GPC5: variants seen among roughly 807,000 people sequenced by gnomAD.
GPC5 encodes the protein glypican-5.
Under a neutral mutation model 53.9 loss-of-function variants are expected in GPC5, and 47 were observed. The ratio of observed to expected loss-of-function variants is 0.87; its 90% CI spans 0.69 to 1.11. The LOEUF (loss-of-function observed/expected upper bound fraction) is 1.11, where lower values mean the gene tolerates loss of function less well. Among genes scored for constraint, GPC5 ranks in the 50% most tolerant of loss-of-function variants. The pLI is 0.00. For synonymous variants in GPC5, 286 were observed against 263.3 expected, an observed-to-expected ratio of 1.09 and a Z score of -0.84; for missense variants, 748 against 713.1, an observed-to-expected ratio of 1.05 and a Z score of -0.56.
chr13:91,911,847 T>C (rs2039613479), intron 6 of GPC5, among the ~76,000 whole-genome samples: 1 of 152,156 alleles, frequency 6.6e-6, no homozygotes, highest in Admixed American at 6.6e-5. Flanking sequence ...GGGATGATAG[T>C]GTCACTAAGT....
At chr13:91,684,353 T>C (rs1322367338) in intron 2 of GPC5, among the ~76,000 whole-genome samples, 1 of 152,198 alleles carries the variant, frequency 6.6e-6, no homozygotes, top group African/African-American at 2.4e-5. Flanking sequence ...TATTTGATTT[T>C]CTAACTGGTA....
chr13:91,876,973 G>A (rs1391502442), intron 5 of GPC5, among the ~76,000 whole-genome samples: 2 of 151,912 alleles, frequency 1.3e-5, no homozygotes, highest in African/African-American at 4.8e-5. Flanking sequence ...GAAAGGAGCC[G>A]ATGTACAGTT....
At chr13:92,797,445 C>G (rs1409510974) in intron 7 of GPC5, among the ~76,000 whole-genome samples, 1 of 151,954 alleles carries the variant, frequency 6.6e-6, no homozygotes, top group East Asian at 1.9e-4. Context: ...CTCAATAATT[C>G]TATGACAGTG....
intron 5 of GPC5, among the ~76,000 whole-genome samples, chr13:91,875,041 G>T (rs2039186880): frequency 6.6e-6 from 1 of 152,122 alleles, no homozygotes; most frequent in Non-Finnish European, 1.5e-5. Flanking sequence ...GAAATTATCA[G>T]GTAATCTCAA....
chr13:92,264,591 G>A (rs1273204631), intron 7 of GPC5, among the ~76,000 whole-genome samples: 1 of 151,764 alleles, frequency 6.6e-6, no homozygotes, highest in East Asian at 1.9e-4. Context: ...CCAAGAACCT[G>A]GATGACTTAC....
chr13:92,706,231 T>C (rs924087254), intron 7 of GPC5, among the ~76,000 whole-genome samples: 3 of 152,156 alleles, frequency 2.0e-5, no homozygotes, highest in Non-Finnish European at 2.9e-5. Context: ...GGGAACCATT[T>C]TCAAAATGTC....
chr13:92,135,561 G>A (rs1201394538), intron 6 of GPC5, among the ~76,000 whole-genome samples: 1 of 152,130 alleles, frequency 6.6e-6, no homozygotes, highest in Non-Finnish European at 1.5e-5. Context: ...GAATGGTAAT[G>A]GAGAGACATA....
chr13:91,809,051 G>A (rs1462512942), intron 5 of GPC5, among the ~76,000 whole-genome samples: 3 of 152,084 alleles, frequency 2.0e-5, no homozygotes, highest in Non-Finnish European at 4.4e-5. Flanking sequence ...ATAACTTGAA[G>A]GACATTGTCT....
chr13:92,591,491 A>G (rs541358566), intron 7 of GPC5, among the ~76,000 whole-genome samples: 32 of 152,296 alleles, frequency 2.1e-4, no homozygotes, highest in African/African-American at 7.7e-4. Context: ...AATTATATGT[A>G]TTTATCATGT....
At chr13:92,673,956 T>C (rs1375053298) in intron 7 of GPC5, among the ~76,000 whole-genome samples, 14 of 152,172 alleles carry the variant, frequency 9.2e-5, no homozygotes, top group Non-Finnish European at 2.1e-4. Flanking sequence ...GATATTAAAA[T>C]AGAGTAAAAT....
At chr13:92,627,890 G>A (rs1278073753) in intron 7 of GPC5, among the ~76,000 whole-genome samples, 3 of 152,226 alleles carry the variant, frequency 2.0e-5, no homozygotes, top group East Asian at 1.9e-4. Context: ...AGACACCAAC[G>A]AATGAATTGT....
chr13:91,555,600 C>T (rs1415970836), intron 2 of GPC5, among the ~76,000 whole-genome samples: 1 of 151,908 alleles, frequency 6.6e-6, no homozygotes, highest in Admixed American at 6.6e-5. Flanking sequence ...TTGGCCTTTG[C>T]GGGTAGGTTT....
chr13:91,604,200 G>C (rs1331429225), intron 2 of GPC5, among the ~76,000 whole-genome samples: 7 of 145,020 alleles, frequency 4.8e-5, no homozygotes, highest in African/African-American at 1.8e-4. Flanking sequence ...AGAATATGCG[G>C]TGTTTGGTTT....
intron 1 of GPC5, 56 bp downstream of exon 1, chr13:91,399,265 C>G: frequency 6.4e-7 from 1 of 1,562,276 alleles, no homozygotes; most frequent in South Asian, 1.2e-5. Context: ...GGCCTTCGCT[C>G]CCCCAGGCTC....
chr13:92,374,577 A>G (rs1254312158), intron 7 of GPC5, among the ~76,000 whole-genome samples: 1 of 151,882 alleles, frequency 6.6e-6, no homozygotes, highest in Non-Finnish European at 1.5e-5. Flanking sequence ...ATTGGAAATC[A>G]TCATTCTCAG....
chr13:92,460,759 T>C (rs1878446173), intron 7 of GPC5, among the ~76,000 whole-genome samples: 1 of 152,150 alleles, frequency 6.6e-6, no homozygotes, highest in Non-Finnish European at 1.5e-5. Context: ...GAAGAAGACT[T>C]AATGTTCTGA....
chr13:92,141,978 C>G (rs1045659788), intron 6 of GPC5, among the ~76,000 whole-genome samples: 1 of 152,128 alleles, frequency 6.6e-6, no homozygotes, highest in African/African-American at 2.4e-5. Flanking sequence ...AGCATGGGCC[C>G]CTGCATGCAA....
chr13:91,591,838 G>A (rs1325196747), intron 2 of GPC5, among the ~76,000 whole-genome samples: 2 of 152,130 alleles, frequency 1.3e-5, no homozygotes, highest in African/African-American at 2.4e-5. Flanking sequence ...CTCTTGGATT[G>A]TTTTACTGGA....
chr13:92,768,796 C>G (rs112468988), intron 7 of GPC5, among the ~76,000 whole-genome samples: 101 of 151,498 alleles, frequency 6.7e-4, no homozygotes, highest in Middle Eastern at 3.4e-3. Context: ...ATCTAATATG[C>G]CTGCCTGGTC....
Sources: allele counts gnomAD v4.1 joint callset (sites outside exome capture counted in the v4.1 genomes callset), GRCh38; gene constraint gnomAD v4.1.1; transcripts MANE v1.5; gene names NCBI Gene and HGNC (gene_info 2026-07-23, HGNC 2026-07-21).